Variants in OSGEPL1 observed in about 807,000 individuals in gnomAD.
OSGEPL1 encodes the protein O-sialoglycoprotein endopeptidase like 1, also known as tRNA N6-adenosine threonylcarbamoyltransferase, mitochondrial.
A neutral mutation model predicts 37.2 loss-of-function variants in OSGEPL1; 26 were observed. The ratio of observed to expected loss-of-function variants is 0.70; its 90% CI spans 0.51 to 0.97. The LOEUF is 0.97. Among genes scored for constraint, OSGEPL1 ranks in the 50% least tolerant of loss-of-function variants. The pLI, the probability that OSGEPL1 is intolerant of heterozygous loss-of-function variation, is 0.00. For synonymous variants in OSGEPL1, 140 were observed against 159.9 expected, an observed-to-expected ratio of 0.88 and a Z score of 0.94; for missense variants, 404 against 487.0, an observed-to-expected ratio of 0.83 and a Z score of 1.60.
intron 2 of OSGEPL1, among the ~76,000 whole-genome samples, chr2:189,758,418 CT>C (rs559854849): frequency 6.8e-4 from 104 of 152,040 alleles, no homozygotes; most frequent in African/African-American, 2.2e-3. Context: ...CTCACCCCCC[CT>C]CTCTCGGTCC....
chr2:189,761,165 G>A, intron 2 of OSGEPL1: 1 of 305,860 alleles, frequency 3.3e-6, no homozygotes, highest in Non-Finnish European at 5.9e-6. Context: ...CATTACTGAA[G>A]GAAAATCAAT....
chr2:189,762,548 A>C (rs929630618), intron 1 of OSGEPL1, 137 bp downstream of exon 1: 4 of 969,600 alleles, frequency 4.1e-6, no homozygotes, highest in African/African-American at 1.8e-5. Context: ...GGGCCAAGAA[A>C]GCTGCAGGCT....
intron 8 of OSGEPL1, among the ~76,000 whole-genome samples, chr2:189,748,897 C>G (rs954501675): frequency 6.6e-6 from 1 of 152,116 alleles, no homozygotes; most frequent in African/African-American, 2.4e-5. Context: ...CCTAGCCAGA[C>G]CATCCTACCA....
rs138047437 is a variant in OSGEPL1 at position 189,747,687 on chromosome 2, A to C, written c.*29-519T>G. Among the ~76,000 whole-genome samples, 183 of 151,968 alleles carry C rather than the reference A, an allele frequency of 1.2e-3. 2 individuals are homozygous for C. Among genetic ancestry groups the C allele is most frequent in the African/African-American group, 4.0e-3 (164 of 41,466 alleles). The stretch of plus-strand genomic sequence containing the variant: ...CTTCACTGTGTACTTTATTTTACTT[A>C]CTTACTTATTTATTTATTTATTCGA... On this transcript the variant is annotated intron_variant, in intron 8 of 8. Transcript: ENST00000264151.
intron 5 of OSGEPL1, 33 bp from the exon 6 acceptor site, chr2:189,753,012 A>C (rs766868448): frequency 5.1e-6 from 8 of 1,566,684 alleles, no homozygotes; most frequent in Admixed American, 1.9e-5. Context: ...AATAACTATC[A>C]TATATGGATA....
intron 1 of OSGEPL1, 135 bp downstream of exon 1, chr2:189,762,550 C>A: frequency 3.1e-6 from 3 of 973,510 alleles, no homozygotes; most frequent in Non-Finnish European, 3.7e-6. Context: ...GCCAAGAAAG[C>A]TGCAGGCTGA....
At chr2:189,751,974 A>T (rs757742044) in intron 7 of OSGEPL1, among the ~76,000 whole-genome samples, 5 of 151,190 alleles carry the variant, frequency 3.3e-5, no homozygotes, top group Non-Finnish European at 7.4e-5. Flanking sequence ...GGCAAAACCC[A>T]AAAACTAAAA....
In OSGEPL1 at chr2:189,761,572, TA is replaced by T. The variant is rs761965981; in HGVS notation, c.68del (p.Leu23Ter). The T allele has an allele frequency of 8.1e-5, 130 of 1,610,372 alleles. No individual in the cohort carries two copies. Among genetic ancestry groups the T allele is most frequent in the Non-Finnish European group, 1.1e-4 (129 of 1,178,668 alleles). On this transcript the variant is annotated frameshift_variant, in exon 2 of 9. Transcript: ENST00000264151. LOFTEE classifies it high-confidence loss of function. Reference sequence around the variant, plus strand: ...TTCCAGGATGAAAATTAAAACTTCTTAAAAATTCATAAACTTTCCTTTTTGA... The same window carrying T: ...TTCCAGGATGAAAATTAAAACTTCTTAAAATTCATAAACTTTCCTTTTTGA... ...KPSKRKVYEF[L>X]RSFNFHPGTL...
At chr2:189,747,482 CATGAGT>C (rs1450420670) in intron 8 of OSGEPL1, among the ~76,000 whole-genome samples, 1 of 151,806 alleles carries the variant, frequency 6.6e-6, no homozygotes, top group African/African-American at 2.4e-5. Flanking sequence ...CCATCAAGTA[CATGAGT>C]ATGGCTTTTG....
intron 8 of OSGEPL1, among the ~76,000 whole-genome samples, chr2:189,749,951 A>G (rs539047346): frequency 6.6e-6 from 1 of 151,986 alleles, no homozygotes; most frequent in African/African-American, 2.4e-5. Context: ...GTGAAACCCC[A>G]TCTCTACTAA....
rs1236696935 is a variant in OSGEPL1 at position 189,752,524 on chromosome 2, A to G, written c.1166+129T>C. The G allele has an allele frequency of 2.5e-5, 21 of 854,922 alleles. No homozygotes were observed. In the South Asian group the frequency reaches 3.3e-4, roughly 14 times the overall value. The allele number at this position is 854,922 out of a possible 1,614,324, so 53.0% of individuals were successfully genotyped here. A position where few individuals can be genotyped will look rare whatever the true frequency, so the allele number is the denominator to read the frequency against. On this transcript the variant is annotated intron_variant, in intron 7 of 8. Transcript: ENST00000264151. ...GGTATCAACCTTAACTAGGTTCATGAAAGAAATTTATGTAACTTTCCTTCA... is the reference window on the plus strand; with the variant it reads ...GGTATCAACCTTAACTAGGTTCATGGAAGAAATTTATGTAACTTTCCTTCA...
rs753202297 is a variant in OSGEPL1, at chr2:189,752,994, A to T, written c.964-15T>A. The T allele has an allele frequency of 1.2e-5, 19 of 1,595,792 alleles. No homozygotes were observed. The South Asian group carries it at 2.1e-4, about 17-fold the overall frequency. ...CCAGATGCAACCTGAAGGAATTGAGAAAACCAAAATAACTATCATATATGG... is the reference window on the plus strand; with the variant it reads ...CCAGATGCAACCTGAAGGAATTGAGTAAACCAAAATAACTATCATATATGG... On this transcript the variant is annotated splice_polypyrimidine_tract_variant and intron_variant, in intron 5 of 8. Coordinates refer to ENST00000264151, the MANE Select transcript of OSGEPL1 (RefSeq NM_022353.3).
chr2:189,762,905 C>T, upstream of OSGEPL1: 1 of 985,390 alleles, frequency 1.0e-6, no homozygotes, highest in Non-Finnish European at 1.2e-6. Flanking sequence ...GCTCTCTGTG[C>T]GCACCTGCAT....
chr2:189,749,557 C>T (rs1411417632), intron 8 of OSGEPL1, among the ~76,000 whole-genome samples: 1 of 151,198 alleles, frequency 6.6e-6, no homozygotes, highest in Admixed American at 6.6e-5. Flanking sequence ...AAAAAAAATC[C>T]AAAAAAACTC....
chr2:189,759,965 C>A (rs556283155), intron 2 of OSGEPL1, among the ~76,000 whole-genome samples: 8 of 152,184 alleles, frequency 5.3e-5, no homozygotes, highest in East Asian at 3.9e-4. Context: ...TGACTCTTAA[C>A]GAGTATGCTG....
At chr2:189,750,239 G>GA (rs1559159897) in intron 8 of OSGEPL1, among the ~76,000 whole-genome samples, 1 of 152,146 alleles carries the variant, frequency 6.6e-6, no homozygotes, top group African/African-American at 2.4e-5. Flanking sequence ...GGAAGTGGGG[G>GA]AAAGTCCTAG....
chr2:189,748,068 A>G (rs2044436122), intron 8 of OSGEPL1, among the ~76,000 whole-genome samples: 1 of 152,144 alleles, frequency 6.6e-6, no homozygotes, highest in Admixed American at 6.5e-5. Flanking sequence ...GCTATAATCC[A>G]TTCTCTACCT....
At chr2:189,751,334 G>A (rs1045461406) in intron 7 of OSGEPL1, among the ~76,000 whole-genome samples, 1 of 152,158 alleles carries the variant, frequency 6.6e-6, no homozygotes, top group African/African-American at 2.4e-5. Flanking sequence ...AGGTATCAAA[G>A]GGATGCCTTC....
chr2:189,763,131 A>T (rs2047361287), upstream of OSGEPL1: 1 of 984,788 alleles, frequency 1.0e-6, no homozygotes, highest in Non-Finnish European at 1.2e-6. Context: ...TTTTAAGGGA[A>T]CTATCATCAA....
Sources: gnomAD v4.1 joint callset for allele counts (sites outside exome capture counted in the v4.1 genomes callset) on GRCh38, gnomAD v4.1.1 for gene constraint, MANE v1.5 for transcripts, NCBI Gene and HGNC (gene_info 2026-07-23, HGNC 2026-07-21) for gene names.